The following ANK2 variants were observed in gnomAD, a reference collection of about 807,000 sequenced individuals.
The protein encoded by ANK2 is ankyrin-2.
A neutral mutation model predicts 360.5 loss-of-function variants in ANK2; 83 were observed. The observed-to-expected ratio is 0.23, with a 90% CI of 0.19 to 0.28. ANK2 has a LOEUF of 0.28. Among genes scored for constraint, ANK2 ranks in the 10% least tolerant of loss-of-function variants. ANK2 has a pLI of 1.00. For missense variants in ANK2, 4,201 were observed against 4,795.7 expected, an observed-to-expected ratio of 0.88 and a Z score of 3.66; for synonymous variants, 1,740 against 1,759.5, an observed-to-expected ratio of 0.99 and a Z score of 0.28.
Position 113,251,666 on chromosome 4 carries a change from G to A in ANK2, c.990+1804G>A, listed in dbSNP as rs987806805. ...CCCAGCTAATTTTTTGTATTTTTAG[G>A]AGAGACGGGGTTTCACCGTGTTAGC... is the stretch of plus-strand genomic sequence containing the variant. On this transcript the variant is annotated intron_variant, in intron 10 of 45. Coordinates refer to ENST00000357077, the MANE Select transcript of ANK2 (RefSeq NM_001148.6). Among the ~76,000 whole-genome samples the A allele has an allele frequency of 4.6e-5, 7 of 150,948 alleles. No individual in the cohort carries two copies. The South Asian group carries it at 1.5e-3, about 32-fold the overall frequency.
chr4:113,339,430 G>T (rs2093990164), intron 32 of ANK2, 108 bp downstream of exon 32: 2 of 894,950 alleles, frequency 2.2e-6, no homozygotes, highest in Non-Finnish European at 1.8e-6. Context: ...TTTTTCATTG[G>T]ATTTTAAATA....
intron 2 of ANK2, among the ~76,000 whole-genome samples, chr4:113,005,238 T>C (rs1336275995): frequency 6.7e-6 from 1 of 149,704 alleles, no homozygotes; most frequent in East Asian, 2.1e-4. Flanking sequence ...CACCATTAGG[T>C]ATGTATCCAA....
chr4:112,786,746 CTT>C, the ANK2 span, among the ~76,000 whole-genome samples: 16 of 108,902 alleles, frequency 1.5e-4, no homozygotes, highest in African/African-American at 2.5e-4. Flanking sequence ...TAAAATCAAA[CTT>C]TTTTTTTTTT....
intron 1 of ANK2, among the ~76,000 whole-genome samples, chr4:113,144,948 ATT>A (rs1391622134): frequency 6.6e-6 from 1 of 151,746 alleles, no homozygotes; most frequent in Non-Finnish European, 1.5e-5. Context: ...TCTAATGTAT[ATT>A]TGCTATGCTC....
At chr4:112,760,188 C>CT in the ANK2 span, among the ~76,000 whole-genome samples, 65 of 123,434 alleles carry the variant, frequency 5.3e-4, 1 homozygote, top group African/African-American at 7.1e-4. Flanking sequence ...ATTCCATATT[C>CT]TTTTTTTTTT....
chr4:112,972,743 G>A (rs935866887), intron 2 of ANK2, among the ~76,000 whole-genome samples: 16 of 152,066 alleles, frequency 1.1e-4, no homozygotes, highest in Non-Finnish European at 2.1e-4. Flanking sequence ...AGCACAATTT[G>A]CAACTGCAAA....
chr4:112,829,025 C>A (rs75810374), intron 1 of ANK2, among the ~76,000 whole-genome samples: 1 of 151,970 alleles, frequency 6.6e-6, no homozygotes, highest in African/African-American at 2.4e-5. Flanking sequence ...GGCGTGGTGG[C>A]GCCTGTAATC....
chr4:112,773,057 C>T, the ANK2 span, among the ~76,000 whole-genome samples: 1 of 152,100 alleles, frequency 6.6e-6, no homozygotes, highest in Non-Finnish European at 1.5e-5. Context: ...GTGGCTCATA[C>T]CCGAAATCCC....
intron 14 of ANK2, among the ~76,000 whole-genome samples, chr4:113,267,635 C>T (rs1196179546): frequency 6.6e-6 from 1 of 152,148 alleles, no homozygotes; most frequent in Non-Finnish European, 1.5e-5. Context: ...CAGTACCATG[C>T]TGTTTTGGTT....
intron 2 of ANK2, among the ~76,000 whole-genome samples, chr4:113,034,348 C>A (rs1579572933): frequency 6.6e-6 from 1 of 152,062 alleles, no homozygotes; most frequent in Admixed American, 6.6e-5. Context: ...CCTGATTTAT[C>A]TCCAATCTAT....
chr4:112,977,099 T>A (rs1335475390), intron 2 of ANK2, among the ~76,000 whole-genome samples: 2 of 152,238 alleles, frequency 1.3e-5, no homozygotes, highest in Non-Finnish European at 2.9e-5. Context: ...TGGTTTATAC[T>A]GGGCCACATG....
At chr4:112,879,103 G>GAACAAAACAA (rs369264233) in intron 1 of ANK2, among the ~76,000 whole-genome samples, 5 of 152,038 alleles carry the variant, frequency 3.3e-5, no homozygotes, top group African/African-American at 7.3e-5. Flanking sequence ...CATGTAAGAT[G>GAACAAAACAA]AACAAAACAA....
At chr4:113,021,539 A>ACACACCC in intron 2 of ANK2, among the ~76,000 whole-genome samples, 1 of 108,716 alleles carries the variant, frequency 9.2e-6, no homozygotes, top group Middle Eastern at 4.8e-3. Flanking sequence ...CCCACACACA[A>ACACACCC]ACATATATAT....
intron 45 of ANK2, among the ~76,000 whole-genome samples, chr4:113,377,196 T>C (rs888843753): frequency 6.6e-6 from 1 of 152,178 alleles, no homozygotes; most frequent in Non-Finnish European, 1.5e-5. Context: ...ATTATCATTA[T>C]CAAGTATTAT....
chr4:112,888,794 T>C (rs1466416898), intron 1 of ANK2, among the ~76,000 whole-genome samples: 1 of 152,240 alleles, frequency 6.6e-6, no homozygotes, highest in Non-Finnish European at 1.5e-5. Flanking sequence ...CCAAGTTGAA[T>C]GGCGAAGTCT....
chr4:113,111,839 A>C (rs1310734321), intron 1 of ANK2, among the ~76,000 whole-genome samples: 1 of 152,198 alleles, frequency 6.6e-6, no homozygotes, highest in Non-Finnish European at 1.5e-5. Flanking sequence ...TCAAGATGTG[A>C]ATATTAGTAA....
At chr4:113,126,168 TA>T (rs1182997874) in intron 1 of ANK2, among the ~76,000 whole-genome samples, 5 of 152,220 alleles carry the variant, frequency 3.3e-5, no homozygotes, top group African/African-American at 9.6e-5. Context: ...TGTACACTGA[TA>T]ATACCAGGAG....
At chr4:112,974,693 A>G (rs2040732436) in intron 2 of ANK2, among the ~76,000 whole-genome samples, 1 of 152,228 alleles carries the variant, frequency 6.6e-6, no homozygotes, top group African/African-American at 2.4e-5. Flanking sequence ...TTTGTAGGAA[A>G]AGGCAATGAA....
chr4:112,936,628 G>A (rs1274471304), intron 2 of ANK2, among the ~76,000 whole-genome samples: 1 of 152,132 alleles, frequency 6.6e-6, no homozygotes, highest in Non-Finnish European at 1.5e-5. Context: ...ACAGGCGTGA[G>A]CCACCACGCC....
Sources: gnomAD v4.1 joint callset for allele counts (sites outside exome capture counted in the v4.1 genomes callset) on GRCh38, gnomAD v4.1.1 for gene constraint, MANE v1.5 for transcripts, NCBI Gene and HGNC (gene_info 2026-07-23, HGNC 2026-07-21) for gene names.